KCNK10: variants seen among roughly 807,000 people sequenced by gnomAD.
KCNK10 encodes the protein potassium two pore domain channel subfamily K member 10.
KCNK10 carries 25 observed loss-of-function variants against 47.7 expected under a neutral mutation model. The ratio of observed to expected loss-of-function variants is 0.52; its 90% CI spans 0.38 to 0.73. The LOEUF is 0.73. Among genes scored for constraint, KCNK10 ranks in the 30% least tolerant of loss-of-function variants. The probability of loss-of-function intolerance (pLI) is 0.00; values close to 1 mark genes in which losing one functional copy is unlikely to be tolerated. For synonymous variants in KCNK10, 303 were observed against 285.6 expected (o/e 1.06, Z -0.61); for missense variants, 563 against 714.5 (o/e 0.79, Z 2.42).
upstream of KCNK10, chr14:88,323,335 C>A (rs1418646706): frequency 6.2e-6 from 6 of 975,588 alleles, no homozygotes; most frequent in East Asian, 1.2e-4. Context: ...CGCGGCTCCT[C>A]GCCCCCGGCG....
intron 1 of KCNK10, among the ~76,000 whole-genome samples, chr14:88,295,965 C>T (rs559577330): frequency 1.3e-5 from 2 of 152,306 alleles, no homozygotes; most frequent in South Asian, 4.2e-4. Context: ...GCCCTTAACT[C>T]ACCATGCTAC....
upstream of KCNK10, chr14:88,323,378 T>C: frequency 6.0e-6 from 5 of 835,760 alleles, no homozygotes; most frequent in Non-Finnish European, 7.2e-6. Context: ...CGAAAGCCAT[T>C]GGATGTAGGG....
chr14:88,273,685 G>A (rs1887461132), intron 1 of KCNK10, among the ~76,000 whole-genome samples: 1 of 152,162 alleles, frequency 6.6e-6, no homozygotes, highest in African/African-American at 2.4e-5. Flanking sequence ...ACTCCGCCAT[G>A]TTGACGAGAT....
At chr14:88,290,167 A>T (rs1887846093) in intron 1 of KCNK10, among the ~76,000 whole-genome samples, 1 of 152,166 alleles carries the variant, frequency 6.6e-6, no homozygotes, top group South Asian at 2.1e-4. Flanking sequence ...ATCCTGGATT[A>T]TCTGGGTGGG....
intron 4 of KCNK10, among the ~76,000 whole-genome samples, chr14:88,217,920 A>T (rs1158471167): frequency 6.6e-6 from 1 of 152,060 alleles, no homozygotes; most frequent in East Asian, 1.9e-4. Flanking sequence ...ACAGGGTTTC[A>T]TCATGTTGGC....
At chr14:88,239,503 A>T (rs963908567) in intron 3 of KCNK10, among the ~76,000 whole-genome samples, 7 of 152,214 alleles carry the variant, frequency 4.6e-5, no homozygotes, top group African/African-American at 1.7e-4. Flanking sequence ...CGTTATAGGG[A>T]TCGAATACAT....
At chr14:88,278,384 C>A (rs1566712670) in intron 1 of KCNK10, among the ~76,000 whole-genome samples, 1 of 152,156 alleles carries the variant, frequency 6.6e-6, no homozygotes, top group African/African-American at 2.4e-5. Context: ...CACAATTAAG[C>A]AGCCACTGTG....
chr14:88,228,952 C>T (rs766290109), intron 3 of KCNK10, among the ~76,000 whole-genome samples: 37 of 152,090 alleles, frequency 2.4e-4, no homozygotes, highest in Non-Finnish European at 4.0e-4. Context: ...TCCAAGAATA[C>T]CCCTCTAGAA....
chr14:88,271,022 C>T (rs759215898), intron 1 of KCNK10: 21 of 561,116 alleles, frequency 3.7e-5, no homozygotes, highest in Non-Finnish European at 6.4e-5. Context: ...GCACCCAGAC[C>T]CGCTCACACC....
At chr14:88,270,342 G>C (rs145061038) in intron 1 of KCNK10, among the ~76,000 whole-genome samples, 125 of 152,326 alleles carry the variant, frequency 8.2e-4, no homozygotes, top group African/African-American at 2.5e-3. Flanking sequence ...TCTTAGAGCA[G>C]TATCTGTGCT....
chr14:88,317,259 G>A (rs12879349), intron 1 of KCNK10, among the ~76,000 whole-genome samples: 41,349 of 152,016 alleles, frequency 0.27, 6,189 homozygotes, highest in African/African-American at 0.39. Flanking sequence ...TCTAAGCTCC[G>A]CAAATGTGTG....
intron 5 of KCNK10, among the ~76,000 whole-genome samples, chr14:88,189,110 C>A (rs1272424128): frequency 6.6e-6 from 1 of 152,192 alleles, no homozygotes; most frequent in Non-Finnish European, 1.5e-5. Flanking sequence ...TACAGACTTT[C>A]CCACCAGACC....
At position 88,182,925 on chromosome 14, in the gene KCNK10, T is replaced by G. The variant is rs1175657390; in HGVS notation, c.*2610A>C. On this transcript the variant is annotated 3_prime_UTR_variant, in exon 7 of 7. Coordinates refer to ENST00000319231, the MANE Select transcript of KCNK10 (RefSeq NM_138317.3). ...CAAAACCAAATAAATGTACAGTAGG[T>G]GTCTGCAGGGGCAACCCTTTGAGCC... 1.3e-5 allele frequency: 2 copies of G among 152,292 alleles called. No homozygotes were observed. Among genetic ancestry groups the G allele is most frequent in the Admixed American group, 6.5e-5 (1 of 15,270 alleles). 9.4% of individuals were successfully genotyped at this position (152,292 alleles called of 1,614,324 possible). A position where few individuals can be genotyped will look rare whatever the true frequency, so the allele number is the denominator to read the frequency against.
intron 4 of KCNK10, among the ~76,000 whole-genome samples, chr14:88,219,787 G>A (rs1595087630): frequency 6.6e-6 from 1 of 152,048 alleles, no homozygotes; most frequent in Non-Finnish European, 1.5e-5. Flanking sequence ...CAGCCCCACC[G>A]CCCCCACCAC....
At chr14:88,198,051 T>A (rs1884980638) in intron 4 of KCNK10, among the ~76,000 whole-genome samples, 1 of 152,168 alleles carries the variant, frequency 6.6e-6, no homozygotes, top group South Asian at 2.1e-4. Flanking sequence ...GACACCTAGG[T>A]GACCAAATAT....
intron 1 of KCNK10, among the ~76,000 whole-genome samples, chr14:88,277,105 A>C (rs957954060): frequency 6.6e-6 from 1 of 152,140 alleles, no homozygotes; most frequent in Non-Finnish European, 1.5e-5. Context: ...CCACACCCCA[A>C]CACACTGCTT....
chr14:88,305,153 C>T (rs1030146880), intron 1 of KCNK10, among the ~76,000 whole-genome samples: 2 of 151,576 alleles, frequency 1.3e-5, no homozygotes, highest in African/African-American at 4.9e-5. Context: ...GAGCCAAGAT[C>T]GCGCCACTGC....
chr14:88,197,171 G>T (rs529789269), intron 4 of KCNK10, among the ~76,000 whole-genome samples: 2 of 152,298 alleles, frequency 1.3e-5, no homozygotes, highest in Admixed American at 6.5e-5. Context: ...GGCCAGTTCA[G>T]TACTTTGCTG....
intron 4 of KCNK10, among the ~76,000 whole-genome samples, chr14:88,213,960 A>T (rs1196975173): frequency 6.8e-6 from 1 of 147,550 alleles, no homozygotes; most frequent in African/African-American, 2.5e-5. Flanking sequence ...TATTATTGAG[A>T]CAGAGTTTCA....
Sources: gnomAD v4.1 joint callset for allele counts (sites outside exome capture counted in the v4.1 genomes callset) on GRCh38, gnomAD v4.1.1 for gene constraint, MANE v1.5 for transcripts, NCBI Gene and HGNC (gene_info 2026-07-23, HGNC 2026-07-21) for gene names.